TRAPPC9: variants seen among roughly 807,000 people sequenced by gnomAD.
TRAPPC9 encodes the protein trafficking protein particle complex subunit 9.
In TRAPPC9, 83 loss-of-function variants were observed where a neutral mutation model predicts 124.0. The observed-to-expected ratio is 0.67, with a 90% CI of 0.56 to 0.80. TRAPPC9 has a LOEUF of 0.80. TRAPPC9 is among the 30% of genes least tolerant of loss of function. TRAPPC9 has a pLI of 0.00. For missense variants in TRAPPC9, 1,302 were observed against 1,508.3 expected (o/e 0.86, Z 2.27); for synonymous variants, 638 against 617.5 (o/e 1.03, Z -0.49).
chr8:140,172,025 C>T (rs1445595249), intron 17 of TRAPPC9, among the ~76,000 whole-genome samples: 1 of 152,132 alleles, frequency 6.6e-6, no homozygotes, highest in Non-Finnish European at 1.5e-5. Flanking sequence ...AGGCTGAGTT[C>T]ATATCTGAAG....
chr8:139,855,986 T>C (rs532230098), intron 21 of TRAPPC9, among the ~76,000 whole-genome samples: 10 of 152,352 alleles, frequency 6.6e-5, no homozygotes, highest in African/African-American at 2.4e-4. Flanking sequence ...ATCTTCTCTA[T>C]CTAGTCTGAC....
chr8:139,900,411 G>A (rs997470180), intron 20 of TRAPPC9, among the ~76,000 whole-genome samples: 2 of 152,192 alleles, frequency 1.3e-5, no homozygotes, highest in South Asian at 2.1e-4. Flanking sequence ...TGCAGAGCAC[G>A]CATCCTGTCC....
Position 140,422,134 on chromosome 8 carries a change from C to T in TRAPPC9, c.886+4481G>A, listed in dbSNP as rs73713125. On this transcript the variant is annotated intron_variant, in intron 5 of 22. Coordinates refer to ENST00000438773, the MANE Select transcript of TRAPPC9 (RefSeq NM_001160372.4). ...ATGAGTTTGAATGCCCACATCACCA[C>T]TTACTAGCTATGACCCTCAGCGAGT... is the stretch of plus-strand genomic sequence containing the variant. Among the ~76,000 whole-genome samples, 1,203 of 152,172 alleles carry T rather than the reference C, an allele frequency of 7.9e-3. 11 individuals carry two copies. Among genetic ancestry groups the T allele is most frequent in the African/African-American group, 0.025 (1,034 of 41,516 alleles).
intron 16 of TRAPPC9, chr8:140,238,248 T>C (rs1254940525): frequency 6.6e-6 from 1 of 152,340 alleles, no homozygotes; most frequent in Non-Finnish European, 1.5e-5. Flanking sequence ...CCTGCTAGTT[T>C]AGGAAGTTAT....
chr8:140,252,581 A>G lies in TRAPPC9; in HGVS notation c.2431+196T>C, dbSNP rs762174354. The G allele has an allele frequency of 3.0e-5, 18 of 595,560 alleles. No individual in the cohort carries two copies. Among genetic ancestry groups the G allele is most frequent in the Non-Finnish European group, 4.7e-5 (16 of 339,056 alleles). The allele number at this position is 595,560 out of a possible 1,614,324, so 36.9% of individuals were successfully genotyped here. ...AGAGTGAGAATTAAATCATTTAGATAAAAAGTACTTTTATTACTTTCAGAC... is the reference window on the plus strand; with the variant it reads ...AGAGTGAGAATTAAATCATTTAGATGAAAAGTACTTTTATTACTTTCAGAC... On this transcript the variant is annotated intron_variant, in intron 16 of 22. Transcript: ENST00000438773. The surrounding 1 kb of genome is among the most constrained non-coding windows in gnomAD (Gnocchi z 4.2).
chr8:139,828,494 G>A (rs555208145), intron 21 of TRAPPC9, among the ~76,000 whole-genome samples: 1 of 152,314 alleles, frequency 6.6e-6, no homozygotes, highest in East Asian at 1.9e-4. Flanking sequence ...TTTCTACCAA[G>A]TGGTTCAAAG....
chr8:140,195,113 C>T (rs2062609978), intron 17 of TRAPPC9, among the ~76,000 whole-genome samples: 2 of 152,056 alleles, frequency 1.3e-5, no homozygotes, highest in African/African-American at 2.4e-5. Context: ...ACCTGTGAAA[C>T]TAAAACACAC....
At chr8:140,167,812 A>G (rs2061873128) in intron 17 of TRAPPC9, among the ~76,000 whole-genome samples, 1 of 152,248 alleles carries the variant, frequency 6.6e-6, no homozygotes, top group African/African-American at 2.4e-5. Context: ...AAGAAACGAC[A>G]GTAATTAAAT....
intron 21 of TRAPPC9, among the ~76,000 whole-genome samples, chr8:139,865,040 C>T (rs1192294004): frequency 1.3e-5 from 2 of 152,154 alleles, no homozygotes; most frequent in East Asian, 1.9e-4. Flanking sequence ...TCATTAGCAC[C>T]GGTTCAAGCC....
At chr8:140,419,451 AACAAAAC>A (rs1413788449) in intron 5 of TRAPPC9, among the ~76,000 whole-genome samples, 57 of 140,186 alleles carry the variant, frequency 4.1e-4, no homozygotes, top group African/African-American at 1.4e-3. Flanking sequence ...AAAAAAAAAA[AACAAAAC>A]AAAACAAAAA....
At chr8:140,060,999 A>T (rs563588558) in intron 17 of TRAPPC9, among the ~76,000 whole-genome samples, 1 of 152,234 alleles carries the variant, frequency 6.6e-6, no homozygotes, top group African/African-American at 2.4e-5. Context: ...TCCCAGTCAC[A>T]CTGTCACAGT....
At chr8:140,276,305 CT>C (rs1377170523) in intron 14 of TRAPPC9, among the ~76,000 whole-genome samples, 3 of 152,206 alleles carry the variant, frequency 2.0e-5, no homozygotes, top group African/African-American at 7.2e-5. Context: ...GAAACAGAAG[CT>C]GTCCCACAGA....
chr8:139,933,179 T>A (rs1833303052), intron 19 of TRAPPC9: 1 of 153,308 alleles, frequency 6.5e-6, no homozygotes, highest in South Asian at 2.1e-4. Context: ...TAGGGAACAG[T>A]GCTCTGAATC....
rs761128715 is a variant in TRAPPC9, at chr8:139,731,151, C to G, written c.3357G>C (p.Arg1119=). ...LYTGDFFLHI[R]FHEDSTSKEL... is the part of the protein sequence containing the mutation. The stretch of plus-strand genomic sequence containing the variant: ...CCTTGCTGGTGCTGTCCTCGTGGAA[C>G]CGGATGTGGAGGAAGAAGTCTCCCG... The change falls in exon 23 of 23, where the codon CGG becomes CGC. Residue 1119 remains arginine, a synonymous_variant. Transcript: ENST00000438773. 66 of 1,613,876 alleles carry G rather than the reference C, an allele frequency of 4.1e-5. 2 individuals are homozygous for G. The South Asian group carries it at 7.1e-4, about 17-fold the overall frequency.
chr8:139,975,460 C>A (rs910457226), intron 19 of TRAPPC9, among the ~76,000 whole-genome samples: 2 of 152,224 alleles, frequency 1.3e-5, no homozygotes, highest in East Asian at 3.8e-4. Context: ...TTGAGAACCA[C>A]GACTCCCACA....
chr8:140,105,110 G>C (rs995250388), intron 17 of TRAPPC9, among the ~76,000 whole-genome samples: 47 of 152,232 alleles, frequency 3.1e-4, no homozygotes, highest in African/African-American at 1.1e-3. Context: ...CCCTCCCCCA[G>C]GTCTCCCCTT....
intron 19 of TRAPPC9, among the ~76,000 whole-genome samples, chr8:139,961,644 G>A (rs1370760372): frequency 8.1e-6 from 1 of 122,738 alleles, no homozygotes; most frequent in Admixed American, 8.6e-5. Flanking sequence ...TGCACCCTTG[G>A]GGGCCCCAGA....
intron 7 of TRAPPC9, among the ~76,000 whole-genome samples, chr8:140,389,672 T>C (rs914956331): frequency 6.6e-6 from 1 of 152,186 alleles, no homozygotes; most frequent in Non-Finnish European, 1.5e-5. Context: ...ATGTATCACT[T>C]TAATATTCAG....
chr8:140,314,089 T>C (rs1328780036), intron 9 of TRAPPC9, among the ~76,000 whole-genome samples: 1 of 152,216 alleles, frequency 6.6e-6, no homozygotes, highest in Non-Finnish European at 1.5e-5. Flanking sequence ...AGCTAGAATT[T>C]GTTTATAAGG....
Sources: gnomAD v4.1 joint callset for allele counts (sites outside exome capture counted in the v4.1 genomes callset) on GRCh38, gnomAD v4.1.1 for gene constraint, Gnocchi (gnomAD v3.1) non-coding constraint, MANE v1.5 for transcripts, NCBI Gene and HGNC (gene_info 2026-07-23, HGNC 2026-07-21) for gene names.